Variants in ANKS1A observed in about 807,000 individuals in gnomAD.
The protein encoded by ANKS1A is ankyrin repeat and sterile alpha motif domain containing 1A, also known as ankyrin repeat and SAM domain-containing protein 1A.
Under a neutral mutation model 120.3 loss-of-function variants are expected in ANKS1A, and 55 were observed. The observed-to-expected ratio is 0.46, with a 90% CI of 0.37 to 0.57. The LOEUF (loss-of-function observed/expected upper bound fraction) is 0.57, where lower values mean the gene tolerates loss of function less well. ANKS1A is among the 20% of genes least tolerant of loss of function. ANKS1A has a pLI of 0.00. For synonymous variants in ANKS1A, 590 were observed against 604.7 expected (o/e 0.98, Z 0.36); for missense variants, 1,123 against 1,480.3 (o/e 0.76, Z 3.96).
At chr6:35,080,350 C>T (rs1303832453) in intron 16 of ANKS1A, among the ~76,000 whole-genome samples, 1 of 152,232 alleles carries the variant, frequency 6.6e-6, no homozygotes, top group Non-Finnish European at 1.5e-5. Context: ...TCTGTTGCTC[C>T]TGCCGGTAAT....
chr6:34,955,368 C>T (rs1202947251), intron 1 of ANKS1A, among the ~76,000 whole-genome samples: 1 of 152,122 alleles, frequency 6.6e-6, no homozygotes, highest in African/African-American at 2.4e-5. Context: ...AACTCCTGAC[C>T]TCAGGTGATC....
At chr6:34,935,860 A>T (rs1050596789) in intron 1 of ANKS1A, among the ~76,000 whole-genome samples, 76 of 151,694 alleles carry the variant, frequency 5.0e-4, no homozygotes, top group Non-Finnish European at 6.6e-4. Flanking sequence ...CAGGAGATCG[A>T]GACCATCCCG....
rs188447232 is a variant in ANKS1A, at chr6:34,923,788, G to A, written c.197+34189G>A. 1.9e-3 allele frequency among the ~76,000 whole-genome samples: 282 copies of A among 152,310 alleles called. 1 individual carries two copies. Among genetic ancestry groups the A allele is most frequent in the African/African-American group, 6.4e-3 (265 of 41,560 alleles). On this transcript the variant is annotated intron_variant, in intron 1 of 23. Coordinates refer to ENST00000360359, the MANE Select transcript of ANKS1A (RefSeq NM_015245.3). ...TCCTGAATTCAGATGGAGAGAGGAA[G>A]ATGGACCAACTCTTTGACCCTTTTC...
chr6:34,991,802 A>G (rs868028634), intron 9 of ANKS1A, among the ~76,000 whole-genome samples: 23 of 132,060 alleles, frequency 1.7e-4, no homozygotes, highest in Middle Eastern at 4.2e-3. Context: ...ATACATATAT[A>G]TACACACACA....
chr6:34,941,449 A>T (rs542101712), intron 1 of ANKS1A, among the ~76,000 whole-genome samples: 3 of 149,394 alleles, frequency 2.0e-5, no homozygotes, highest in South Asian at 4.2e-4. Context: ...TTATTTTTTT[A>T]TAGAGATAGG....
intron 11 of ANKS1A, among the ~76,000 whole-genome samples, chr6:35,027,066 A>C (rs563110277): frequency 6.6e-6 from 1 of 152,350 alleles, no homozygotes; most frequent in East Asian, 1.9e-4. Flanking sequence ...AGCTCATTGC[A>C]TACTCAAGGC....
chr6:34,994,543 C>A, intron 10 of ANKS1A, 121 bp downstream of exon 10: 1 of 1,417,752 alleles, frequency 7.1e-7, no homozygotes, highest in Non-Finnish European at 9.6e-7. Context: ...GGTTGGGTTT[C>A]ACGATGATCT....
chr6:34,983,271 A>T, intron 6 of ANKS1A, 53 bp from the exon 7 acceptor site: 1 of 1,610,334 alleles, frequency 6.2e-7, no homozygotes, highest in Non-Finnish European at 8.5e-7. Context: ...GAACCAAGGC[A>T]TTTGTATTTG....
rs537963045 is a variant in ANKS1A at position 35,029,537 on chromosome 6, C to T, written c.2010+11478C>T. Among the ~76,000 whole-genome samples the T allele has an allele frequency of 3.3e-5, 5 of 151,126 alleles. No homozygotes were observed. The East Asian group carries it at 5.8e-4, about 18-fold the overall frequency. The stretch of plus-strand genomic sequence containing the variant: ...CTAATCTTTGTATTTTTAGTAGAGA[C>T]GAGGTTTCACCATATTAGGCCAGGC... On this transcript the variant is annotated intron_variant, in intron 11 of 23. Coordinates refer to ENST00000360359, the MANE Select transcript of ANKS1A (RefSeq NM_015245.3).
At chr6:35,083,007 A>C in intron 18 of ANKS1A, 148 bp from the exon 19 acceptor site, 1 of 1,253,652 alleles carries the variant, frequency 8.0e-7, no homozygotes. Context: ...AGGGAGTTGA[A>C]TGGAGGGTCT....
chr6:34,913,944 G>A (rs1465068314), intron 1 of ANKS1A, among the ~76,000 whole-genome samples: 1 of 151,766 alleles, frequency 6.6e-6, no homozygotes, highest in Non-Finnish European at 1.5e-5. Context: ...TTGAGATGGA[G>A]TCTCGCTCTG....
chr6:34,891,206 C>T (rs1194848304), intron 1 of ANKS1A, among the ~76,000 whole-genome samples: 1 of 152,068 alleles, frequency 6.6e-6, no homozygotes, highest in Non-Finnish European at 1.5e-5. Context: ...AGGTGGGTAC[C>T]CCATGATCAG....
chr6:34,889,737 C>T lies in ANKS1A; in HGVS notation c.197+138C>T. 8.8e-7 allele frequency: 1 copy of T among 1,133,520 alleles called. No individual in the cohort carries two copies. The highest frequency in any genetic ancestry group is 1.1e-6 in the Non-Finnish European group (1 of 918,836). The allele number at this position is 1,133,520 out of a possible 1,614,324, so 70.2% of individuals were successfully genotyped here. On this transcript the variant is annotated intron_variant, in intron 1 of 23. Transcript: ENST00000360359. This position sits in a 1 kb window ranked among gnomAD's most constrained non-coding sequence, Gnocchi z 5.5. ...CGTGCCCGGGGCGAGGCAGGCGGCC[C>T]GCGGGCCAGGGTACCGGAGGGCGCG...
chr6:35,059,182 A>C (rs1056723546), intron 12 of ANKS1A, among the ~76,000 whole-genome samples: 1 of 152,254 alleles, frequency 6.6e-6, no homozygotes, highest in African/African-American at 2.4e-5. Flanking sequence ...ATGAATGCCC[A>C]GCCCCTGAAA....
intron 1 of ANKS1A, among the ~76,000 whole-genome samples, chr6:34,902,279 C>T (rs544992935): frequency 1.6e-4 from 24 of 151,664 alleles, no homozygotes; most frequent in African/African-American, 5.8e-4. Flanking sequence ...GACGGCGTTT[C>T]GCTCTTGCTG....
chr6:35,078,643 G>A lies in ANKS1A; in HGVS notation c.2270G>A (p.Arg757His), dbSNP rs140739340. 29 of 1,602,308 alleles carry A rather than the reference G, an allele frequency of 1.8e-5. No homozygotes were observed. The highest frequency in any genetic ancestry group is 4.0e-5 in the African/African-American group (3 of 74,902). The stretch of plus-strand genomic sequence containing the variant: ...CGGCGGAAGCTGCTCCAGGCGGCAC[G>A]CTCCCTACCCAAGGTGACCATCGCC... ...QHRRKLLQAA[R>H]SLPKVKALGY... is the part of the protein sequence containing the mutation. Residue 757 changes from arginine to histidine, a missense_variant, in exon 14 of 24, where the codon CGC becomes CAC. Physicochemically the swap from Arg to His is conservative, Grantham distance 29. Around this residue, in one of 3 missense-constraint regions of ANKS1A, gnomAD observed 904 missense variants for 1,130.4 expected, o/e 0.80. Transcript: ENST00000360359.
intron 10 of ANKS1A, among the ~76,000 whole-genome samples, chr6:35,010,900 G>A (rs547025846): frequency 6.6e-6 from 1 of 152,316 alleles, no homozygotes; most frequent in East Asian, 1.9e-4. Context: ...ATGGCTTAAA[G>A]AGAGCAGAAG....
chr6:34,898,708 G>GT, intron 1 of ANKS1A, among the ~76,000 whole-genome samples: 1 of 151,358 alleles, frequency 6.6e-6, no homozygotes, highest in African/African-American at 2.4e-5. Flanking sequence ...GTACAATCTT[G>GT]TTTTTTTCTG....
chr6:35,056,997 G>A (rs1431772021), intron 12 of ANKS1A, among the ~76,000 whole-genome samples: 1 of 152,014 alleles, frequency 6.6e-6, no homozygotes, highest in Non-Finnish European at 1.5e-5. Flanking sequence ...CTTGGGTTGG[G>A]CGTCAGGATC....
Sources: gnomAD v4.1 joint callset for allele counts (sites outside exome capture counted in the v4.1 genomes callset) on GRCh38, gnomAD v4.1.1 for gene constraint, gnomAD v4.1.1 regional missense constraint, Gnocchi (gnomAD v3.1) non-coding constraint, MANE v1.5 for transcripts, NCBI Gene and HGNC (gene_info 2026-07-23, HGNC 2026-07-21) for gene names.